DNAJB13: variants seen among roughly 807,000 people sequenced by gnomAD.
The protein encoded by DNAJB13 is dnaJ homolog subfamily B member 13.
DNAJB13 carries 22 observed loss-of-function variants against 35.6 expected under a neutral mutation model. That is an observed-to-expected ratio of 0.62 (90% CI 0.44 to 0.88). DNAJB13 has a LOEUF of 0.88. Ranked by LOEUF, DNAJB13 falls within the 40% of genes least tolerant of loss-of-function variation. The pLI, the probability that DNAJB13 is intolerant of heterozygous loss-of-function variation, is 0.00. For synonymous variants in DNAJB13, 136 were observed against 144.2 expected, an observed-to-expected ratio of 0.94 and a Z score of 0.41; for missense variants, 370 against 384.3, an observed-to-expected ratio of 0.96 and a Z score of 0.31.
chr11:73,965,173 GT>G, intron 4 of DNAJB13, 138 bp downstream of exon 4: 1 of 1,007,168 alleles, frequency 9.9e-7, no homozygotes, highest in Non-Finnish European at 1.4e-6. Context: ...GACCTAGGAT[GT>G]TAGAATTCCG....
At chr11:73,966,350 C>T in intron 5 of DNAJB13, 99 bp downstream of exon 5, 1 of 1,124,096 alleles carries the variant, frequency 8.9e-7, no homozygotes, top group African/African-American at 1.5e-5. Context: ...TTTTTCCTGC[C>T]CCTGTGAGCC....
At chr11:73,963,432 T>C (rs1160406599) in intron 3 of DNAJB13, among the ~76,000 whole-genome samples, 1 of 152,058 alleles carries the variant, frequency 6.6e-6, no homozygotes, top group Admixed American at 6.6e-5. Flanking sequence ...CCTACCTGTC[T>C]CAGTTCAAAG....
chr11:73,962,153 A>C (rs1309831947), intron 3 of DNAJB13, among the ~76,000 whole-genome samples: 1 of 152,110 alleles, frequency 6.6e-6, no homozygotes, highest in Non-Finnish European at 1.5e-5. Context: ...TCTTTTGCTA[A>C]TATTGTATTT....
intron 1 of DNAJB13, among the ~76,000 whole-genome samples, chr11:73,957,940 C>T (rs1336919287): frequency 1.3e-5 from 2 of 152,184 alleles, no homozygotes; most frequent in Non-Finnish European, 2.9e-5. Context: ...AGGGAGAGTG[C>T]AGCGAGGCCC....
chr11:73,966,421 A>T (rs972549684), intron 5 of DNAJB13, among the ~76,000 whole-genome samples, 170 bp downstream of exon 5: 4 of 152,124 alleles, frequency 2.6e-5, no homozygotes, highest in Admixed American at 6.5e-5. Context: ...TGTTCCTTCC[A>T]AGGAACAGAG....
chr11:73,954,218 G>A (rs970558494), intron 1 of DNAJB13, among the ~76,000 whole-genome samples: 2 of 151,200 alleles, frequency 1.3e-5, no homozygotes, highest in Non-Finnish European at 2.9e-5. Context: ...CCCAGCTACT[G>A]GGGAGGCTGA....
At chr11:73,954,003 TA>T (rs1470650467) in intron 1 of DNAJB13, among the ~76,000 whole-genome samples, 2 of 76,598 alleles carry the variant, frequency 2.6e-5, no homozygotes, top group African/African-American at 1.4e-4. Flanking sequence ...AATAATAAAA[TA>T]ATAATAATAA....
chr11:73,969,407 G>C (rs551382903), intron 7 of DNAJB13, 85 bp downstream of exon 7: 2 of 805,006 alleles, frequency 2.5e-6, no homozygotes, highest in African/African-American at 1.7e-5. Flanking sequence ...CTGCCCAGTA[G>C]AGTTGTACAG....
In DNAJB13 at chr11:73,964,810, T is replaced by TGCGCGC. The variant is rs763008519; in HGVS notation, c.335-67_335-66insCGCGCG. Reference sequence around the variant, plus strand: ...GTGTGTGTGTGTGTGTGTGTGTGTGTGTGCGCGCGCGCGCATGTCTGGGTC... The same window carrying TGCGCGC: ...GTGTGTGTGTGTGTGTGTGTGTGTGTGCGCGCGTGCGCGCGCGCGCATGTCTGGGTC... On this transcript the variant is annotated intron_variant, in intron 3 of 7. Coordinates refer to ENST00000339764, the MANE Select transcript of DNAJB13 (RefSeq NM_153614.4). 1.7e-3 allele frequency: 1,172 copies of TGCGCGC among 704,816 alleles called. 6 individuals carry two copies. Among genetic ancestry groups the TGCGCGC allele is most frequent in the African/African-American group, 7.3e-3 (327 of 44,712 alleles). The allele number at this position is 704,816 out of a possible 1,614,324, so 43.7% of individuals were successfully genotyped here.
At chr11:73,954,349 G>C (rs1950674134) in intron 1 of DNAJB13, among the ~76,000 whole-genome samples, 1 of 147,488 alleles carries the variant, frequency 6.8e-6, no homozygotes, top group South Asian at 2.1e-4. Context: ...AAAAAAAGTA[G>C]GCCGGGCGCA....
intron 3 of DNAJB13, among the ~76,000 whole-genome samples, chr11:73,960,389 C>T (rs1041395420): frequency 2.0e-5 from 3 of 152,210 alleles, no homozygotes; most frequent in African/African-American, 7.2e-5. Flanking sequence ...ACCATGTCTG[C>T]CAGGCTGGTC....
intron 1 of DNAJB13, 52 bp downstream of exon 1, chr11:73,951,189 C>T (rs754674070): frequency 6.2e-6 from 10 of 1,603,054 alleles, no homozygotes; most frequent in Non-Finnish European, 8.5e-6. Flanking sequence ...CAGGCCCTGC[C>T]CTCTTCTCTT....
At chr11:73,954,722 G>A (rs1011025914) in intron 1 of DNAJB13, among the ~76,000 whole-genome samples, 2 of 152,072 alleles carry the variant, frequency 1.3e-5, no homozygotes, top group Non-Finnish European at 2.9e-5. Flanking sequence ...TTGGGAGGAC[G>A]AGGCAGGAGG....
chr11:73,963,243 GC>G (rs1210170617), intron 3 of DNAJB13, among the ~76,000 whole-genome samples: 2 of 152,216 alleles, frequency 1.3e-5, no homozygotes, highest in Middle Eastern at 3.4e-3. Flanking sequence ...CACTTAGGAG[GC>G]TGAGGTAGGA....
chr11:73,962,990 G>T (rs539156131), intron 3 of DNAJB13, among the ~76,000 whole-genome samples: 4 of 152,224 alleles, frequency 2.6e-5, no homozygotes, highest in African/African-American at 9.6e-5. Flanking sequence ...AATCATTAAG[G>T]CTCAAGGGCT....
At chr11:73,953,238 TGGCTGGGCC>T (rs1306762494) in intron 1 of DNAJB13, among the ~76,000 whole-genome samples, 1 of 151,716 alleles carries the variant, frequency 6.6e-6, no homozygotes, top group Non-Finnish European at 1.5e-5. Context: ...AAAATAAAAA[TGGCTGGGCC>T]GGGCACCGTG....
At chr11:73,968,484 C>G (rs752340831) in intron 6 of DNAJB13, 26 bp downstream of exon 6, 1 of 1,595,494 alleles carries the variant, frequency 6.3e-7, no homozygotes, top group South Asian at 1.1e-5. Context: ...GCAGGAGCAG[C>G]GGGGAGGAGA....
At chr11:73,952,237 A>G (rs1369178130) in intron 1 of DNAJB13, among the ~76,000 whole-genome samples, 1 of 152,232 alleles carries the variant, frequency 6.6e-6, no homozygotes, top group Non-Finnish European at 1.5e-5. Context: ...AGATGAGGCC[A>G]GAGAAAGGGG....
intron 5 of DNAJB13, 143 bp downstream of exon 5, chr11:73,966,394 T>A: frequency 1.4e-6 from 1 of 724,424 alleles, no homozygotes; most frequent in Middle Eastern, 3.8e-4. Context: ...GCAGAGTGGG[T>A]GAGATGGGAT....
Sources: allele counts gnomAD v4.1 joint callset (sites outside exome capture counted in the v4.1 genomes callset), GRCh38; gene constraint gnomAD v4.1.1; transcripts MANE v1.5; gene names NCBI Gene and HGNC (gene_info 2026-07-23, HGNC 2026-07-21).